The following ME2 variants were observed in gnomAD, a reference collection of about 807,000 sequenced individuals.
ME2 encodes the protein NAD-dependent malic enzyme, mitochondrial.
ME2 carries 60 observed loss-of-function variants against 73.7 expected under a neutral mutation model. The ratio of observed to expected loss-of-function variants is 0.81; its 90% confidence interval spans 0.66 to 1.01. The LOEUF is 1.01. ME2 is among the 50% of genes least tolerant of loss of function. The probability of loss-of-function intolerance (pLI) is 0.00; values close to 1 mark genes in which losing one functional copy is unlikely to be tolerated. For synonymous variants in ME2, 199 were observed against 236.9 expected (o/e 0.84, Z 1.47); for missense variants, 594 against 705.5 (o/e 0.84, Z 1.79).
chr18:50,887,197 C>T (rs1156246854), intron 1 of ME2, among the ~76,000 whole-genome samples: 3 of 152,056 alleles, frequency 2.0e-5, no homozygotes, highest in Non-Finnish European at 4.4e-5. Flanking sequence ...TTAAAGTGAT[C>T]GATTAGTCAC....
intron 12 of ME2, among the ~76,000 whole-genome samples, chr18:50,928,405 T>A (rs1917615486): frequency 6.6e-6 from 1 of 151,714 alleles, no homozygotes; most frequent in African/African-American, 2.4e-5. Context: ...GCCCGGCTAA[T>A]TTTTTTGTAT....
In ME2 at chr18:50,932,373, A is replaced by ATTATTTATGTTATAGAGCAATAG. The variant is rs1319863323; in HGVS notation, c.1417+17_1417+39dup. The ATTATTTATGTTATAGAGCAATAG allele has an allele frequency of 6.3e-7, 1 of 1,584,230 alleles. No homozygotes were observed. The highest frequency in any genetic ancestry group is 2.2e-5 in the East Asian group (1 of 44,664). On this transcript the variant is annotated intron_variant, in intron 13 of 15. Coordinates refer to ENST00000321341, the MANE Select transcript of ME2 (RefSeq NM_002396.5). The stretch of plus-strand genomic sequence containing the variant: ...TATATTTTTCCAGGTAAATGCCACC[A>ATTATTTATGTTATAGAGCAATAG]TTATTTATGTTATAGAGCAATAGTT...
At chr18:50,928,008 A>G (rs1210247704) in intron 12 of ME2, among the ~76,000 whole-genome samples, 2 of 151,076 alleles carry the variant, frequency 1.3e-5, no homozygotes, top group Non-Finnish European at 3.0e-5. Flanking sequence ...TTGTAGAGAC[A>G]AGGTCTTGCT....
intron 2 of ME2, among the ~76,000 whole-genome samples, chr18:50,900,209 T>A (rs558185801): frequency 6.6e-6 from 1 of 151,798 alleles, no homozygotes; most frequent in Non-Finnish European, 1.5e-5. Context: ...AAAAATTGAG[T>A]GATGCAGTTT....
intron 2 of ME2, among the ~76,000 whole-genome samples, chr18:50,902,377 T>TA (rs2144208099): frequency 6.6e-6 from 1 of 152,352 alleles, no homozygotes; most frequent in African/African-American, 2.4e-5. Context: ...ATAAAAGATT[T>TA]AAAAATCACA....
chr18:50,916,693 C>T (rs1291435703), intron 5 of ME2: 1 of 152,240 alleles, frequency 6.6e-6, no homozygotes, highest in Non-Finnish European at 1.5e-5. Context: ...AAGCCCTGGC[C>T]TATTTAGTTA....
At chr18:50,923,960 T>A (rs1917484667) in intron 10 of ME2, 138 bp from the exon 11 acceptor site, 1 of 570,406 alleles carries the variant, frequency 1.8e-6, no homozygotes, top group Non-Finnish European at 3.1e-6. Context: ...TTGGAAGGTA[T>A]GGGTTGAAGA....
In ME2 at chr18:50,939,266, T is replaced by G. The variant is rs115045835; in HGVS notation, c.1418-304T>G. The stretch of plus-strand genomic sequence containing the variant: ...CTCTGTAGAGCAAGAAGTGGAGTGT[T>G]AGAGGTGGGCTGGGAACTGGAGTTA... On this transcript the variant is annotated intron_variant, in intron 13 of 15. Coordinates refer to ENST00000321341, the MANE Select transcript of ME2 (RefSeq NM_002396.5). 1,658 of 227,314 alleles carry G rather than the reference T, an allele frequency of 7.3e-3. 39 individuals carry two copies. Among genetic ancestry groups the G allele is most frequent in the African/African-American group, 0.035 (1,551 of 43,706 alleles). 14.1% of individuals were successfully genotyped at this position (227,314 alleles called of 1,614,324 possible). A position where few individuals can be genotyped will look rare whatever the true frequency, so the allele number is the denominator to read the frequency against.
chr18:50,932,570 AT>A, intron 13 of ME2: 1 of 393,060 alleles, frequency 2.5e-6, no homozygotes, highest in Non-Finnish European at 4.5e-6. Flanking sequence ...TGTTTTTATT[AT>A]AGAAATAATA....
At chr18:50,924,248 C>T (rs750197667) in intron 11 of ME2, 36 bp downstream of exon 11, 6 of 1,375,042 alleles carry the variant, frequency 4.4e-6, no homozygotes, top group African/African-American at 1.4e-5. Flanking sequence ...ATTTTACTCC[C>T]TAACTGTATG....
In ME2 at chr18:50,932,371, C is replaced by A; in HGVS notation, c.1417+11C>A. On this transcript the variant is annotated intron_variant, in intron 13 of 15. Coordinates refer to ENST00000321341, the MANE Select transcript of ME2 (RefSeq NM_002396.5). ...TTTATATTTTTCCAGGTAAATGCCA[C>A]CATTATTTATGTTATAGAGCAATAG... 6.3e-7 allele frequency: 1 copy of A among 1,590,690 alleles called. No individual in the cohort carries two copies. Among genetic ancestry groups the A allele is most frequent in the Non-Finnish European group, 8.6e-7 (1 of 1,159,984 alleles).
At position 50,908,054 on chromosome 18, in the gene ME2, C is replaced by T. The variant is rs1917057130; in HGVS notation, c.109-9C>T. On this transcript the variant is annotated splice_polypyrimidine_tract_variant and intron_variant, in intron 2 of 15. Transcript: ENST00000321341. Reference sequence around the variant, plus strand: ...AATAATTTTTAATCCTTTTATTTCTCCTCTTTAGGGAATGGCATTTACTTT... The same window carrying T: ...AATAATTTTTAATCCTTTTATTTCTTCTCTTTAGGGAATGGCATTTACTTT... 7 of 1,534,396 alleles carry T rather than the reference C, an allele frequency of 4.6e-6. No individual in the cohort carries two copies. Among genetic ancestry groups the T allele is most frequent in the Non-Finnish European group, 6.1e-6 (7 of 1,140,580 alleles).
chr18:50,932,619 G>T, intron 13 of ME2: 1 of 266,288 alleles, frequency 3.8e-6, no homozygotes, highest in South Asian at 7.4e-5. Context: ...GAACAGAATG[G>T]CACAAAATTA....
At chr18:50,911,528 A>G (rs1295132457) in intron 3 of ME2, among the ~76,000 whole-genome samples, 1 of 152,164 alleles carries the variant, frequency 6.6e-6, no homozygotes, top group Non-Finnish European at 1.5e-5. Flanking sequence ...GTAGGCTATC[A>G]TGGGACCTGA....
At chr18:50,945,501 G>A (rs1417860584) in intron 15 of ME2, among the ~76,000 whole-genome samples, 1 of 152,042 alleles carries the variant, frequency 6.6e-6, no homozygotes, top group Non-Finnish European at 1.5e-5. Context: ...CTTTTTCCTA[G>A]TCAGTGATAA....
At chr18:50,911,774 A>G (rs946058892) in intron 3 of ME2, among the ~76,000 whole-genome samples, 2 of 152,192 alleles carry the variant, frequency 1.3e-5, no homozygotes, top group Non-Finnish European at 2.9e-5. Context: ...AAGTAGGCAG[A>G]GGTTTTGTTA....
At chr18:50,930,495 T>C (rs1204597164) in intron 12 of ME2, among the ~76,000 whole-genome samples, 1 of 152,078 alleles carries the variant, frequency 6.6e-6, no homozygotes, top group Non-Finnish European at 1.5e-5. Flanking sequence ...ATAGACCAAG[T>C]TGGACTTCAG....
chr18:50,940,579 A>C (rs1363699274), intron 15 of ME2, among the ~76,000 whole-genome samples, 193 bp downstream of exon 15: 2 of 152,162 alleles, frequency 1.3e-5, no homozygotes, highest in Admixed American at 1.3e-4. Context: ...TTTTCTTTGC[A>C]AACACATACA....
intron 7 of ME2, among the ~76,000 whole-genome samples, chr18:50,919,236 C>T (rs775309559): frequency 5.3e-5 from 8 of 152,160 alleles, no homozygotes; most frequent in Non-Finnish European, 1.0e-4. Flanking sequence ...TGTTTTGAAA[C>T]GTGTGCTTCA....
Sources: allele counts gnomAD v4.1 joint callset (sites outside exome capture counted in the v4.1 genomes callset), GRCh38; gene constraint gnomAD v4.1.1; transcripts MANE v1.5; gene names NCBI Gene and HGNC (gene_info 2026-07-23, HGNC 2026-07-21).